Variants in CCDC190 observed in about 807,000 individuals in gnomAD.
CCDC190 encodes the protein coiled-coil domain-containing protein 190.
In CCDC190, 10 loss-of-function variants were observed where a neutral mutation model predicts 13.1. The observed-to-expected ratio is 0.77, with a 90% confidence interval of 0.47 to 1.30. CCDC190 has a LOEUF of 1.30. CCDC190 is among the 50% of genes most tolerant of loss of function. CCDC190 has a pLI of 0.00. For synonymous variants in CCDC190, 136 were observed against 127.2 expected (o/e 1.07, Z -0.47); for missense variants, 375 against 354.3 (o/e 1.06, Z -0.47).
At chr1:162,857,451 T>G (rs1347419892) in intron 2 of CCDC190, among the ~76,000 whole-genome samples, 5 of 152,230 alleles carry the variant, frequency 3.3e-5, no homozygotes, top group African/African-American at 1.2e-4. Context: ...TTGGCTATTT[T>G]GTGTTGTCTC....
rs1445627330 is a variant in CCDC190, at chr1:162,852,524, G to T, written c.*2241C>A. On this transcript the variant is annotated 3_prime_UTR_variant, in exon 4 of 4. Transcript: ENST00000367912. ...AGAAGGCAAATGTATTAGACTAAAT[G>T]ATAAGAAGATAAAATCTAGGTGGTT... 6.5e-6 allele frequency: 1 copy of T among 152,824 alleles called. No homozygotes were observed. Among genetic ancestry groups the T allele is most frequent in the Non-Finnish European group, 1.5e-5 (1 of 68,466 alleles). 9.5% of individuals were successfully genotyped at this position (152,824 alleles called of 1,614,324 possible). A position where few individuals can be genotyped will look rare whatever the true frequency, so the allele number is the denominator to read the frequency against.
upstream of CCDC190, among the ~76,000 whole-genome samples, chr1:162,862,859 A>G (rs551778687): frequency 3.3e-5 from 5 of 152,348 alleles, no homozygotes; most frequent in Middle Eastern, 3.4e-3. Flanking sequence ...GAAGAATGAT[A>G]GAGCAGATAA....
intron 1 of CCDC190, among the ~76,000 whole-genome samples, chr1:162,867,691 A>T (rs912058549): frequency 6.6e-6 from 1 of 152,242 alleles, no homozygotes; most frequent in Non-Finnish European, 1.5e-5. Context: ...CCAAATGACC[A>T]TCAACAAGTG....
In CCDC190 at chr1:162,856,146, C is replaced by T. The variant is rs1650293923; in HGVS notation, c.188-391G>A. Among the ~76,000 whole-genome samples, 3 of 151,976 alleles carry T rather than the reference C, an allele frequency of 2.0e-5. No homozygotes were observed. The South Asian group carries it at 6.2e-4, about 32-fold the overall frequency. ...AATAAATTTTTGTTGTTTAAGGCAC[C>T]CGGTTTATAGTTCTTTGTTATGGCA... On this transcript the variant is annotated intron_variant, in intron 2 of 3. Coordinates refer to ENST00000367912, the MANE Select transcript of CCDC190 (RefSeq NM_001394065.1).
intron 1 of CCDC190, among the ~76,000 whole-genome samples, chr1:162,866,394 C>T (rs556952086): frequency 3.3e-5 from 5 of 152,226 alleles, no homozygotes; most frequent in East Asian, 3.9e-4. Context: ...GGTGCCACTG[C>T]GCTCCAGCCT....
At chr1:162,868,096 T>C (rs1404876460) in intron 1 of CCDC190, among the ~76,000 whole-genome samples, 3 of 152,168 alleles carry the variant, frequency 2.0e-5, no homozygotes, top group Admixed American at 6.5e-5. Context: ...AAAAACTTAA[T>C]ATCATAGTAA....
At chr1:162,863,227 T>C, upstream of CCDC190, among the ~76,000 whole-genome samples, 1 of 151,272 alleles carries the variant, frequency 6.6e-6, no homozygotes, top group African/African-American at 2.5e-5. Flanking sequence ...AGTCACACCC[T>C]TTTGTAGTCA....
chr1:162,855,801 T>C (rs1337003624), intron 2 of CCDC190, 46 bp from the exon 3 acceptor site: 2 of 1,537,438 alleles, frequency 1.3e-6, no homozygotes, highest in African/African-American at 1.4e-5. Flanking sequence ...ATTGTGTCCT[T>C]AAATTTTTTA....
At chr1:162,857,074 GT>G (rs1650328076) in intron 2 of CCDC190, among the ~76,000 whole-genome samples, 1 of 152,152 alleles carries the variant, frequency 6.6e-6, no homozygotes, top group Non-Finnish European at 1.5e-5. Context: ...TGACAAGCTC[GT>G]TTGAGCGCCT....
At position 162,855,095 on chromosome 1, in the gene CCDC190, A is replaced by G; in HGVS notation, c.576T>C (p.Pro192=). The G allele has an allele frequency of 6.2e-7, 1 of 1,614,036 alleles. No homozygotes were observed. The highest frequency in any genetic ancestry group is 8.5e-7 in the Non-Finnish European group (1 of 1,179,890). The part of the protein sequence containing the change: ...EVSTNTIEQG[P]SSSPASDSGM... ...CACTATCACTAGCTGGGCTGGAACT[A>G]GGACCTTGTTCTATGGTGTTGGTGG... Residue 192 remains proline, a synonymous_variant, in exon 4 of 4, where the codon CCT becomes CCC. Transcript: ENST00000367912.
chr1:162,862,446 T>A (rs1650554077), upstream of CCDC190, among the ~76,000 whole-genome samples: 2 of 152,114 alleles, frequency 1.3e-5, no homozygotes, highest in African/African-American at 4.8e-5. Flanking sequence ...AGGGGTTATA[T>A]GAGGTGGCGG....
chr1:162,861,097 A>C lies in CCDC190; in HGVS notation c.-102T>G. The C allele has an allele frequency of 1.2e-6, 1 of 852,972 alleles. No homozygotes were observed. The highest frequency in any genetic ancestry group is 1.4e-6 in the Non-Finnish European group (1 of 709,008). 52.8% of individuals were successfully genotyped at this position (852,972 alleles called of 1,614,324 possible). ...TTGATTAATGAGCTTATTTTTCTTC[A>C]GTAAACTTAGGAGTTTGGTGTTTGG... On this transcript the variant is annotated 5_prime_UTR_variant, in exon 1 of 4. Transcript: ENST00000367912.
chr1:162,865,918 A>C (rs1650684962), upstream of CCDC190, among the ~76,000 whole-genome samples: 1 of 152,224 alleles, frequency 6.6e-6, no homozygotes, highest in Admixed American at 6.5e-5. Flanking sequence ...AAAGATATAC[A>C]GACTGGAAAG....
chr1:162,854,867 C>A lies in CCDC190; in HGVS notation c.804G>T (p.Arg268Ser), dbSNP rs771361068. 1.2e-6 allele frequency: 2 copies of A among 1,613,930 alleles called. No individual in the cohort carries two copies. Among genetic ancestry groups the A allele is most frequent in the African/African-American group, 2.7e-5 (2 of 74,934 alleles). Residue 268 changes from arginine (R) to serine (S), a missense_variant, in exon 4 of 4, where the codon AGG becomes AGT. Physicochemically the swap from Arg to Ser is moderately radical, Grantham distance 110. Coordinates refer to ENST00000367912, the MANE Select transcript of CCDC190 (RefSeq NM_001394065.1). ...CAAATATCTCTCCAATGCTAAGCAA[C>A]CTCTCAGACTCAGGGGGGACCCTGT... ...LRHRVPPESE[R>S]LLSIGEIFGH...
chr1:162,859,442 C>T lies in CCDC190; in HGVS notation c.187+18G>A. 1 of 1,608,310 alleles carries T rather than the reference C, an allele frequency of 6.2e-7. No homozygotes were observed. The highest frequency in any genetic ancestry group is 1.3e-5 in the African/African-American group (1 of 74,936). On this transcript the variant is annotated intron_variant, in intron 2 of 3. Transcript: ENST00000367912. The stretch of plus-strand genomic sequence containing the variant: ...TGTGCCTCTGGGGCATCCTCCTCAC[C>T]AGTCCTGAAAGTCTTACCTTGCTGC...
chr1:162,862,954 C>CT (rs201288657), upstream of CCDC190, among the ~76,000 whole-genome samples: 6,218 of 146,088 alleles, frequency 0.043, 256 homozygotes, highest in African/African-American at 0.12. Context: ...GTGGAATGGA[C>CT]TTTTTTTTTT....
At chr1:162,866,345 A>G (rs6665565) in intron 1 of CCDC190, among the ~76,000 whole-genome samples, 122,619 of 151,942 alleles carry the variant, frequency 0.81, 51,721 homozygotes, top group Non-Finnish European at 0.94. Flanking sequence ...CAGAAGAATC[A>G]CTTGAACCTG....
chr1:162,855,162 G>A lies in CCDC190; in HGVS notation c.509C>T (p.Pro170Leu), dbSNP rs150783672. Residue 170 changes from proline to leucine, a missense_variant, in exon 4 of 4, where the codon CCC becomes CTC. Coordinates refer to ENST00000367912, the MANE Select transcript of CCDC190 (RefSeq NM_001394065.1). ...DSVNPSKDVD[P>L]SKGISVPCQN... is the part of the protein sequence containing the mutation. ...GCATGGAACAGAGATGCCCTTGCTG[G>A]GGTCTACGTCCTTAGATGGATTCAC... 1.7e-5 allele frequency: 28 copies of A among 1,613,920 alleles called. No homozygotes were observed. In the East Asian group the frequency reaches 4.7e-4, roughly 27 times the overall value.
At chr1:162,859,826 G>GGATT (rs1650438400) in intron 1 of CCDC190, among the ~76,000 whole-genome samples, 168 bp from the exon 2 acceptor site, 1 of 152,054 alleles carries the variant, frequency 6.6e-6, no homozygotes, top group African/African-American at 2.4e-5. Flanking sequence ...TAACACAGAA[G>GGATT]GATTGAGGGT....
Sources: allele counts gnomAD v4.1 joint callset (sites outside exome capture counted in the v4.1 genomes callset), GRCh38; gene constraint gnomAD v4.1.1; transcripts MANE v1.5; gene names NCBI Gene and HGNC (gene_info 2026-07-23, HGNC 2026-07-21).